The following WDR36 variants were observed in gnomAD, a reference collection of about 807,000 sequenced individuals.
WDR36 encodes WD repeat domain 36, also known as WD repeat-containing protein 36.
Under a neutral mutation model 112.7 loss-of-function variants are expected in WDR36, and 63 were observed. The ratio of observed to expected loss-of-function variants is 0.56; its 90% CI spans 0.46 to 0.69. The LOEUF is 0.69. Among genes scored for constraint, WDR36 ranks in the 30% least tolerant of loss-of-function variants. WDR36 has a pLI of 0.00. For synonymous variants in WDR36, 410 were observed against 362.2 expected (o/e 1.13, Z -1.50); for missense variants, 1,226 against 1,070.3 (o/e 1.15, Z -2.03).
intron 1 of WDR36, among the ~76,000 whole-genome samples, 168 bp from the exon 2 acceptor site, chr5:111,094,752 T>C (rs1211321353): frequency 6.6e-6 from 1 of 152,164 alleles, no homozygotes; most frequent in African/African-American, 2.4e-5. Context: ...TGAAATACAG[T>C]TGAAAATATA....
intron 2 of WDR36, among the ~76,000 whole-genome samples, chr5:111,096,806 G>T (rs757806604): frequency 2.6e-5 from 4 of 151,944 alleles, no homozygotes; most frequent in Non-Finnish European, 5.9e-5. Context: ...ACCTCAAAAA[G>T]CTTGTTTTCA....
intron 2 of WDR36, 105 bp downstream of exon 2, chr5:111,095,052 A>G: frequency 9.5e-7 from 1 of 1,056,602 alleles, no homozygotes; most frequent in Non-Finnish European, 1.4e-6. Flanking sequence ...GGTAACATGT[A>G]TGTCTTATAA....
chr5:111,126,644 C>CT, intron 22 of WDR36, 90 bp from the exon 23 acceptor site: 1 of 1,405,396 alleles, frequency 7.1e-7, no homozygotes, highest in Middle Eastern at 2.2e-4. Context: ...CACCTAGTGT[C>CT]TTTTGTGGTT....
At chr5:111,124,997 G>A (rs1266497459) in intron 21 of WDR36, among the ~76,000 whole-genome samples, 2 of 152,152 alleles carry the variant, frequency 1.3e-5, no homozygotes, top group Non-Finnish European at 2.9e-5. Context: ...GTTCTCAAAT[G>A]ACTCATAAAA....
At chr5:111,123,329 A>G (rs933971842) in intron 19 of WDR36, among the ~76,000 whole-genome samples, 1 of 152,220 alleles carries the variant, frequency 6.6e-6, no homozygotes, top group Admixed American at 6.5e-5. Context: ...TTGAAAGGAA[A>G]TTATCAAATT....
rs531582649 is a variant in WDR36, at chr5:111,094,121, T to G, written c.163-799T>G. ...CTATGGCTATATATGCTGTCCCCAGTCAGACTTCCTACAGTCCTACAGATT... is the reference window on the plus strand; with the variant it reads ...CTATGGCTATATATGCTGTCCCCAGGCAGACTTCCTACAGTCCTACAGATT... On this transcript the variant is annotated intron_variant, in intron 1 of 22. Transcript: ENST00000513710. 3.9e-5 allele frequency among the ~76,000 whole-genome samples: 6 copies of G among 152,196 alleles called. No individual in the cohort carries two copies. The South Asian group carries it at 1.2e-3, about 31-fold the overall frequency.
At chr5:111,102,803 A>G (rs1161068541) in intron 6 of WDR36, among the ~76,000 whole-genome samples, 1 of 151,662 alleles carries the variant, frequency 6.6e-6, no homozygotes, top group Admixed American at 6.6e-5. Context: ...CAAAATCCTA[A>G]TGTTTGATTC....
At chr5:111,100,443 TG>T in intron 4 of WDR36, 145 bp from the exon 5 acceptor site, 1 of 465,056 alleles carries the variant, frequency 2.2e-6, no homozygotes, top group South Asian at 5.2e-5. Flanking sequence ...TCTCAAGGAA[TG>T]TTTATAGATT....
In WDR36 at chr5:111,107,428, A is replaced by G. The variant is rs772920827; in HGVS notation, c.1315A>G (p.Ile439Val). The change falls in exon 12 of 23, where the codon ATA becomes GTA. Residue 439 changes from isoleucine (I) to valine (V), a missense_variant. Physicochemically the swap from Ile to Val is conservative, Grantham distance 29 (BLOSUM62 3). Transcript: ENST00000513710. ...LKPKELKKDDITATAVDITSC... is the reference protein window; with the variant it reads ...LKPKELKKDDVTATAVDITSC... ...GCCAAAAGAGTTGAAGAAAGATGAC[A>G]TAACTGCAACAGTAAGTGAGCTTGT... 9 of 1,610,004 alleles carry G rather than the reference A, an allele frequency of 5.6e-6. No homozygotes were observed. The highest frequency in any genetic ancestry group is 2.2e-5 in the East Asian group (1 of 44,730).
chr5:111,095,754 TAGTC>T (rs1204413205), intron 2 of WDR36, among the ~76,000 whole-genome samples: 1 of 152,212 alleles, frequency 6.6e-6, no homozygotes, highest in African/African-American at 2.4e-5. Context: ...AGATAAAGCA[TAGTC>T]AGCCTATAGT....
chr5:111,122,766 G>T (rs1432431638), intron 19 of WDR36, among the ~76,000 whole-genome samples: 1 of 152,180 alleles, frequency 6.6e-6, no homozygotes, highest in Non-Finnish European at 1.5e-5. Flanking sequence ...ATAATGTGAG[G>T]TGAAATTGTG....
chr5:111,111,392 G>A, intron 15 of WDR36, 114 bp downstream of exon 15: 1 of 898,150 alleles, frequency 1.1e-6, no homozygotes, highest in Non-Finnish European at 1.8e-6. Flanking sequence ...TTAATTTGCA[G>A]GCTATTTTTC....
intron 15 of WDR36, 62 bp downstream of exon 15, chr5:111,111,340 C>G: frequency 7.9e-7 from 1 of 1,257,982 alleles, no homozygotes; most frequent in Non-Finnish European, 1.2e-6. Context: ...GTGTGTTATC[C>G]TTTAATAGCC....
In WDR36 at chr5:111,096,984, T is replaced by A. The variant is rs930890019; in HGVS notation, c.191-95T>A. ...TTTGATCTTTATTTATATATTTTTTTAAATTATAGCCATGAAAAATGTTAT... is the reference window on the plus strand; with the variant it reads ...TTTGATCTTTATTTATATATTTTTTAAAATTATAGCCATGAAAAATGTTAT... On this transcript the variant is annotated intron_variant, in intron 2 of 22. Coordinates refer to ENST00000513710, the MANE Select transcript of WDR36 (RefSeq NM_139281.3). The A allele has an allele frequency of 7.6e-6, 6 of 790,336 alleles. No homozygotes were observed. In the East Asian group the frequency reaches 1.1e-4, roughly 14 times the overall value. The allele number at this position is 790,336 out of a possible 1,614,324, so 49.0% of individuals were successfully genotyped here.
At chr5:111,092,897 A>G (rs1752897709) in intron 1 of WDR36, among the ~76,000 whole-genome samples, 1 of 152,234 alleles carries the variant, frequency 6.6e-6, no homozygotes, top group Non-Finnish European at 1.5e-5. Flanking sequence ...ATATTTATTG[A>G]CCTTCCCTTG....
intron 16 of WDR36, 67 bp from the exon 17 acceptor site, chr5:111,118,944 AAT>A (rs745309324): frequency 1.3e-5 from 18 of 1,351,228 alleles, no homozygotes; most frequent in Non-Finnish European, 1.8e-5. Context: ...TTTTGGCAAA[AAT>A]ATTTTTGTGA....
At chr5:111,126,294 T>C (rs559458870) in intron 22 of WDR36, among the ~76,000 whole-genome samples, 14 of 152,180 alleles carry the variant, frequency 9.2e-5, no homozygotes, top group Non-Finnish European at 1.9e-4. Flanking sequence ...AAAGGAGTTT[T>C]GATCATTTGA....
intron 4 of WDR36, among the ~76,000 whole-genome samples, chr5:111,099,475 T>TTTTTTTTTTTTTTTTTTTTTTTG (rs1753073740): frequency 1.5e-5 from 2 of 136,214 alleles, no homozygotes; most frequent in African/African-American, 5.5e-5. Context: ...TTTTTTTTTT[T>TTTTTTTTTTTTTTTTTTTTTTTG]TTTTTTTTTC....
Position 111,125,771 on chromosome 5 carries a change from G to T in WDR36, c.2514G>T (p.Gln838His). 6.2e-7 allele frequency: 1 copy of T among 1,613,740 alleles called. No homozygotes were observed. The highest frequency in any genetic ancestry group is 8.5e-7 in the Non-Finnish European group (1 of 1,179,772). ...LDRKRDFELA[Q>H]AYLALFLKLH... ...GAAAGCGTGATTTTGAGTTAGCCCA[G>T]GCATACCTTGCATTGTTTCTAAAGG... The change falls in exon 22 of 23, where the codon CAG (glutamine) becomes CAT (histidine). Residue 838 changes from glutamine (Q) to histidine (H), a missense_variant. Physicochemically the swap from Gln to His is conservative, Grantham distance 24 (BLOSUM62 0). Transcript: ENST00000513710.
Sources: gnomAD v4.1 joint callset for allele counts (sites outside exome capture counted in the v4.1 genomes callset) on GRCh38, gnomAD v4.1.1 for gene constraint, MANE v1.5 for transcripts, NCBI Gene and HGNC (gene_info 2026-07-23, HGNC 2026-07-21) for gene names.